INTS6L: variants seen among roughly 807,000 people sequenced by gnomAD.
The protein encoded by INTS6L is integrator complex subunit 6 like.
A neutral mutation model predicts 64.7 loss-of-function variants in INTS6L; 18 were observed. The observed-to-expected ratio is 0.28, with a 90% confidence interval of 0.19 to 0.41. The LOEUF (loss-of-function observed/expected upper bound fraction) is 0.41, where lower values mean the gene tolerates loss of function less well. Among genes scored for constraint, INTS6L ranks in the 10% least tolerant of loss-of-function variants. INTS6L has a pLI of 1.00. For synonymous variants in INTS6L, 227 were observed against 235.9 expected (o/e 0.96, Z 0.34); for missense variants, 533 against 661.0 (o/e 0.81, Z 2.12).
chrX:135,522,522 T>A (rs1556498236), intron 2 of INTS6L, among the ~76,000 whole-genome samples: 1 of 112,198 alleles, frequency 8.9e-6, no homozygotes, highest in Non-Finnish European at 1.9e-5. Context: ...CATATTGAAA[T>A]TTTAAAAATA....
At chrX:135,541,002 G>A (rs1330928158) in intron 2 of INTS6L, among the ~76,000 whole-genome samples, 1 of 111,622 alleles carries the variant, frequency 9.0e-6, no homozygotes, top group Non-Finnish European at 1.9e-5. Context: ...GGCTGGTCTC[G>A]AACTCCTGAG....
intron 8 of INTS6L, among the ~76,000 whole-genome samples, chrX:135,555,957 A>T (rs1169948734): frequency 1.8e-5 from 2 of 112,399 alleles, no homozygotes; most frequent in East Asian, 5.6e-4. Context: ...CCAAAGTGTC[A>T]GGATTATAAG....
chrX:135,567,728 C>T (rs1290960180), intron 9 of INTS6L, among the ~76,000 whole-genome samples: 1 of 112,121 alleles, frequency 8.9e-6, no homozygotes, highest in Admixed American at 9.5e-5. Flanking sequence ...TCCATGGTCT[C>T]TCATTCCTTT....
chrX:135,537,911 A>G (rs1556509834), intron 2 of INTS6L, among the ~76,000 whole-genome samples: 1 of 111,984 alleles, frequency 8.9e-6, no homozygotes, highest in East Asian at 2.8e-4. Flanking sequence ...AAAACAATGT[A>G]TACACCTTAA....
chrX:135,549,832 A>G, intron 7 of INTS6L, 27 bp downstream of exon 7: 1 of 1,201,899 alleles, frequency 8.3e-7, no homozygotes, highest in Non-Finnish European at 1.1e-6. Context: ...AAAAAGGTAA[A>G]CATCATTCTG....
chrX:135,534,841 A>C (rs905154543), intron 2 of INTS6L, among the ~76,000 whole-genome samples: 13 of 109,218 alleles, frequency 1.2e-4, no homozygotes, highest in Non-Finnish European at 2.3e-4. Flanking sequence ...TTTGTATGTT[A>C]ATTTTTTGTA....
rs781798978 is a variant in INTS6L, at chrX:135,539,525, GTTTTTCTTCT to G, written c.190-5896_190-5887del. On this transcript the variant is annotated intron_variant, in intron 2 of 17. Coordinates refer to ENST00000639893, the MANE Select transcript of INTS6L (RefSeq NM_001351601.3). ...CTTTCTCCATCTCGGCAATGTGGCT[GTTTTTCTTCT>G]TACTCCTGTGTTTCCTGAAGTAGCA... Among the ~76,000 whole-genome samples the G allele has an allele frequency of 6.9e-3, 771 of 111,970 alleles. 4 individuals carry two copies. Among genetic ancestry groups the G allele is most frequent in the African/African-American group, 0.023 (697 of 30,846 alleles).
At chrX:135,561,566 CCTATT>C in intron 9 of INTS6L, among the ~76,000 whole-genome samples, 1 of 111,932 alleles carries the variant, frequency 8.9e-6, no homozygotes, top group East Asian at 2.8e-4. Flanking sequence ...AAGTGCTTCT[CCTATT>C]CTGTTTTCTG....
intron 2 of INTS6L, among the ~76,000 whole-genome samples, chrX:135,524,052 C>T (rs1556499606): frequency 9.0e-6 from 1 of 111,688 alleles, no homozygotes; most frequent in East Asian, 2.8e-4. Flanking sequence ...GCTTTCTATA[C>T]CTGAATTAAT....
At chrX:135,529,744 T>A (rs2085853326) in intron 2 of INTS6L, among the ~76,000 whole-genome samples, 1 of 112,403 alleles carries the variant, frequency 8.9e-6, no homozygotes, top group Non-Finnish European at 1.9e-5. Context: ...GACTTATATT[T>A]GCTTCCTTGT....
At chrX:135,573,061 T>C in intron 12 of INTS6L, 28 bp downstream of exon 12, 1 of 1,081,462 alleles carries the variant, frequency 9.2e-7, no homozygotes, top group African/African-American at 1.8e-5. Context: ...TAGTTTGTAT[T>C]TGTTTGAACT....
At chrX:135,545,320 G>A (rs2086326170) in intron 2 of INTS6L, 103 bp from the exon 3 acceptor site, 1 of 1,009,609 alleles carries the variant, frequency 9.9e-7, no homozygotes, top group Non-Finnish European at 1.4e-6. Context: ...AGGTTAAAGA[G>A]TGGTTAATTT....
In INTS6L at chrX:135,576,364, T is replaced by C. The variant is rs2087229097; in HGVS notation, c.1885-829T>C. ...AAAAAAATTACACCTAATTAACTAA[T>C]AGAACTCTGCATAATATTAAGTGAG... is the stretch of plus-strand genomic sequence containing the variant. On this transcript the variant is annotated intron_variant, in intron 14 of 17. Transcript: ENST00000639893. 2.8e-5 allele frequency among the ~76,000 whole-genome samples: 3 copies of C among 108,237 alleles called. No homozygotes were observed. In the Admixed American group the frequency reaches 3.0e-4, roughly 11 times the overall value. 94.0% of individuals were successfully genotyped at this position (108,237 alleles called of 115,157 possible). A position where few individuals can be genotyped will look rare whatever the true frequency, so the allele number is the denominator to read the frequency against.
At chrX:135,553,634 T>C (rs1199576398) in intron 8 of INTS6L, among the ~76,000 whole-genome samples, 1 of 110,098 alleles carries the variant, frequency 9.1e-6, no homozygotes, top group African/African-American at 3.3e-5. Flanking sequence ...TATTCTGTTT[T>C]TTGACTCGTG....
At chrX:135,530,410 A>G (rs2085875653) in intron 2 of INTS6L, among the ~76,000 whole-genome samples, 1 of 111,761 alleles carries the variant, frequency 8.9e-6, no homozygotes, top group African/African-American at 3.3e-5. Flanking sequence ...GAGGCCCTAT[A>G]GGAATAGTGG....
chrX:135,544,914 T>A (rs2086315770), intron 2 of INTS6L, among the ~76,000 whole-genome samples: 1 of 112,017 alleles, frequency 8.9e-6, no homozygotes, highest in South Asian at 3.7e-4. Context: ...TATATCCAAA[T>A]AAGTGTGGCT....
chrX:135,524,938 T>A (rs1320798833), intron 2 of INTS6L, among the ~76,000 whole-genome samples: 2 of 112,519 alleles, frequency 1.8e-5, no homozygotes, highest in Non-Finnish European at 3.8e-5. Flanking sequence ...CTACATCTGT[T>A]ATGTTGCTTT....
At chrX:135,528,863 A>C (rs2085814794) in intron 2 of INTS6L, among the ~76,000 whole-genome samples, 1 of 24,214 alleles carries the variant, frequency 4.1e-5, no homozygotes. Context: ...GTTTAAAATG[A>C]ACACCCCCCC....
intron 2 of INTS6L, among the ~76,000 whole-genome samples, chrX:135,526,871 C>T (rs782011588): frequency 4.5e-5 from 5 of 111,710 alleles, no homozygotes; most frequent in South Asian, 7.5e-4. Context: ...ACCTCATTCC[C>T]GGTACTCTTC....
Sources: allele counts gnomAD v4.1 joint callset (sites outside exome capture counted in the v4.1 genomes callset), GRCh38; gene constraint gnomAD v4.1.1; transcripts MANE v1.5; gene names NCBI Gene and HGNC (gene_info 2026-07-23, HGNC 2026-07-21).